The following JAKMIP3 variants were observed in gnomAD, a reference collection of about 807,000 sequenced individuals.
The protein encoded by JAKMIP3 is janus kinase and microtubule-interacting protein 3.
In JAKMIP3, 58 loss-of-function variants were observed where a neutral mutation model predicts 118.5. The observed-to-expected ratio is 0.49, with a 90% confidence interval of 0.40 to 0.61. The LOEUF (loss-of-function observed/expected upper bound fraction) is 0.61, where lower values mean the gene tolerates loss of function less well. Among genes scored for constraint, JAKMIP3 ranks in the 20% least tolerant of loss-of-function variants. The pLI, the probability that JAKMIP3 is intolerant of heterozygous loss-of-function variation, is 0.00. For synonymous variants in JAKMIP3, 486 were observed against 451.2 expected, an observed-to-expected ratio of 1.08 and a Z score of -0.98; for missense variants, 950 against 1,109.0, an observed-to-expected ratio of 0.86 and a Z score of 2.04.
Position 132,077,096 on chromosome 10 carries a change from C to T in JAKMIP3, c.-138+11035C>T, listed in dbSNP as rs2040941699. Reference sequence around the variant, plus strand: ...CCCCAGCGTGTGAGAGTTTTCTGCTCTTCCCCAAGTGGCAGCCAACTTCTG... The same window carrying T: ...CCCCAGCGTGTGAGAGTTTTCTGCTTTTCCCCAAGTGGCAGCCAACTTCTG... On this transcript the variant is annotated intron_variant, in intron 1 of 23. Transcript: ENST00000684848. Among the ~76,000 whole-genome samples the T allele has an allele frequency of 2.0e-5, 3 of 152,224 alleles. 1 individual carries two copies. The highest frequency in any genetic ancestry group is 1.5e-5 in the Non-Finnish European group (1 of 68,028).
rs772304156 is a variant in JAKMIP3, at chr10:132,090,590, TTC to T, written c.-137-14076_-137-14075del. On this transcript the variant is annotated intron_variant, in intron 1 of 23. Transcript: ENST00000684848. Reference sequence around the variant, plus strand: ...ATCATTTTTTATTGCATCTATTTGATTCTCTCTTTTCTTCTTTATCAGTCTTG... The same window carrying T: ...ATCATTTTTTATTGCATCTATTTGATTCTCTTTTCTTCTTTATCAGTCTTG... Among the ~76,000 whole-genome samples the T allele has an allele frequency of 1.7e-3, 254 of 152,216 alleles. 4 individuals carry two copies. The highest frequency in any genetic ancestry group is 1.9e-3 in the Non-Finnish European group (130 of 67,990).
rs554099702 is a variant in JAKMIP3 at position 132,144,055 on chromosome 10, C to T, written c.1603-1052C>T. ...TCACGCCTTCGCCCACCCCCCACCC[C>T]GGCTGATGGATCCTCTGACCCTGCG... On this transcript the variant is annotated intron_variant, in intron 11 of 23. Transcript: ENST00000684848. 158 of 148,392 alleles carry T rather than the reference C, an allele frequency of 1.1e-3. 1 individual carries two copies. Among genetic ancestry groups the T allele is most frequent in the African/African-American group, 3.7e-3 (152 of 41,024 alleles). 9.2% of individuals were successfully genotyped at this position (148,392 alleles called of 1,614,324 possible).
At chr10:132,086,162 G>A (rs2042371288) in intron 1 of JAKMIP3, among the ~76,000 whole-genome samples, 2 of 152,116 alleles carry the variant, frequency 1.3e-5, no homozygotes, top group African/African-American at 2.4e-5. Context: ...ATGTATTTGT[G>A]TGGTTTTGAA....
At chr10:132,165,105 C>T (rs1314793893) in intron 21 of JAKMIP3, among the ~76,000 whole-genome samples, 1 of 152,260 alleles carries the variant, frequency 6.6e-6, no homozygotes, top group East Asian at 1.9e-4. Context: ...AGCCTTTGAT[C>T]CGTGCAGGTT....
rs371619151 is a variant in JAKMIP3 at position 132,117,331 on chromosome 10, G to A, written c.390G>A (p.Lys130=). Residue 130 remains lysine (K), a synonymous_variant, in exon 3 of 24, where the codon AAG becomes AAA. Coordinates refer to ENST00000684848, the MANE Select transcript of JAKMIP3 (RefSeq NM_001323087.2). This position sits in a 1 kb window ranked among gnomAD's most constrained non-coding sequence, Gnocchi z 8.6. The part of the protein sequence containing the change: ...LSALRDGGPE[K]VKTVLLSEAK... ...CCCTGCGTGATGGCGGCCCCGAAAA[G>A]GTCAAGACCGTGCTGCTGTCCGAGG... The A allele has an allele frequency of 5.3e-5, 86 of 1,613,876 alleles. No individual in the cohort carries two copies. The highest frequency in any genetic ancestry group is 6.6e-5 in the Non-Finnish European group (78 of 1,179,908).
At chr10:132,131,129 G>T (rs2050485098) in intron 3 of JAKMIP3, among the ~76,000 whole-genome samples, 2 of 152,030 alleles carry the variant, frequency 1.3e-5, no homozygotes, top group African/African-American at 4.8e-5. Flanking sequence ...CTGCAGCTGG[G>T]AGTGAGGAGG....
intron 1 of JAKMIP3, among the ~76,000 whole-genome samples, chr10:132,078,913 AG>A (rs937874319): frequency 6.6e-6 from 1 of 152,124 alleles, no homozygotes; most frequent in African/African-American, 2.4e-5. Flanking sequence ...GTGCGCCCTG[AG>A]CTGCCCGTCA....
chr10:132,154,050 G>A, intron 19 of JAKMIP3, 60 bp downstream of exon 19: 1 of 1,527,530 alleles, frequency 6.5e-7, no homozygotes, highest in East Asian at 2.2e-5. Context: ...ACGGCCACGT[G>A]GCTCAGGTGC....
At chr10:132,080,040 C>T (rs1278142085) in intron 1 of JAKMIP3, among the ~76,000 whole-genome samples, 2 of 152,302 alleles carry the variant, frequency 1.3e-5, no homozygotes, top group South Asian at 4.1e-4. Context: ...TTTGAGGTGG[C>T]ATGGTGGCTC....
chr10:132,041,418 G>C (rs149326524), intron 1 of JAKMIP3, among the ~76,000 whole-genome samples: 239 of 152,368 alleles, frequency 1.6e-3, no homozygotes, highest in African/African-American at 5.4e-3. Context: ...GAGGGCGGCT[G>C]TATGCAGGAT....
rs200517375 is a variant in JAKMIP3 at position 132,180,652 on chromosome 10, C to A, written c.*1104-1705C>A. Among the ~76,000 whole-genome samples, 2 of 8,676 alleles carry A rather than the reference C, an allele frequency of 2.3e-4. 1 individual carries two copies. Among genetic ancestry groups the A allele is most frequent in the Non-Finnish European group, 4.1e-4 (2 of 4,882 alleles). The allele number at this position is 8,676 out of a possible 152,430, so 5.7% of individuals were successfully genotyped here. On this transcript the variant is annotated intron_variant, in intron 23 of 23. Transcript: ENST00000684848. Reference sequence around the variant, plus strand: ...GTGTGTGCGTGCGTGTGTGCGTGTGCGTGTGCGTGTGTGCGTGTGTGTGCG... The same window carrying A: ...GTGTGTGCGTGCGTGTGTGCGTGTGAGTGTGCGTGTGTGCGTGTGTGTGCG...
chr10:132,093,931 A>ATTTTTTT (rs35838926), intron 1 of JAKMIP3, among the ~76,000 whole-genome samples: 2 of 103,616 alleles, frequency 1.9e-5, no homozygotes, highest in African/African-American at 4.1e-5. Flanking sequence ...TCTTGTATCT[A>ATTTTTTT]TTTTTTTTTT....
chr10:132,046,541 C>T (rs556600502), intron 1 of JAKMIP3, among the ~76,000 whole-genome samples: 80 of 152,264 alleles, frequency 5.3e-4, no homozygotes, highest in African/African-American at 1.8e-3. Context: ...TCTTCCATTT[C>T]TGTGTGTGTC....
intron 13 of JAKMIP3, among the ~76,000 whole-genome samples, chr10:132,147,732 G>A (rs924083145): frequency 6.6e-6 from 1 of 152,344 alleles, no homozygotes; most frequent in Non-Finnish European, 1.5e-5. Context: ...TGTGGTATGC[G>A]GTGCTGCCTG....
chr10:132,172,726 C>T (rs574774909), intron 23 of JAKMIP3, among the ~76,000 whole-genome samples: 1 of 152,072 alleles, frequency 6.6e-6, no homozygotes, highest in African/African-American at 2.4e-5. Context: ...CACTCTCTTC[C>T]TCTCTGTCCC....
At chr10:132,097,423 C>T (rs2134597502) in intron 1 of JAKMIP3, among the ~76,000 whole-genome samples, 1 of 152,092 alleles carries the variant, frequency 6.6e-6, no homozygotes, top group East Asian at 1.9e-4. Context: ...CCTGCGTGGC[C>T]CTCCAAGCAT....
At chr10:132,172,568 C>T (rs1355978640) in intron 23 of JAKMIP3, among the ~76,000 whole-genome samples, 1 of 151,922 alleles carries the variant, frequency 6.6e-6, no homozygotes, top group African/African-American at 2.4e-5. Flanking sequence ...TGCCCCTTTT[C>T]TCCTATTTCT....
In JAKMIP3 at chr10:132,135,166, C is replaced by T. The variant is rs573012835; in HGVS notation, c.969+6C>T. 59 of 1,595,808 alleles carry T rather than the reference C, an allele frequency of 3.7e-5. No homozygotes were observed. The highest frequency in any genetic ancestry group is 4.4e-5 in the South Asian group (4 of 90,560). ...CGGAAGAGAGGAATGAGCTGGTGAG[C>T]GCGGGCGGGGGCTTCTGGCTCCTGG... On this transcript the variant is annotated splice_donor_region_variant and intron_variant, in intron 5 of 23. Transcript: ENST00000684848.
intron 12 of JAKMIP3, 114 bp downstream of exon 12, chr10:132,145,304 C>T (rs539043421): frequency 4.0e-6 from 4 of 1,011,190 alleles, no homozygotes; most frequent in African/African-American, 3.2e-5. Context: ...GCCTTGACCT[C>T]CTGGGCTCAA....
Sources: gnomAD v4.1 joint callset for allele counts (sites outside exome capture counted in the v4.1 genomes callset) on GRCh38, gnomAD v4.1.1 for gene constraint, Gnocchi (gnomAD v3.1) non-coding constraint, MANE v1.5 for transcripts, NCBI Gene and HGNC (gene_info 2026-07-23, HGNC 2026-07-21) for gene names.